HIVEP1: variants seen among roughly 807,000 people sequenced by gnomAD.
HIVEP1 encodes the protein zinc finger protein 40.
A neutral mutation model predicts 180.0 loss-of-function variants in HIVEP1; 36 were observed. The observed-to-expected ratio is 0.20, with a 90% CI of 0.15 to 0.26. The LOEUF is 0.26. Among genes scored for constraint, HIVEP1 ranks in the 10% least tolerant of loss-of-function variants. The pLI is 1.00. For missense variants in HIVEP1, 3,143 were observed against 3,268.7 expected, an observed-to-expected ratio of 0.96 and a Z score of 0.94; for synonymous variants, 1,239 against 1,239.0, an observed-to-expected ratio of 1.00 and a Z score of 0.00.
rs367639862 is a variant in HIVEP1 at position 12,120,516 on chromosome 6, A to T, written c.721A>T (p.Met241Leu). ...CCCTCCCAAATTAAAAAACAGTTCA[A>T]TGGATGCCCCAAATCAGACTTCACA... ...RSPPKLKNSS[M>L]DAPNQTSQEL... Residue 241 changes from methionine (M) to leucine (L), a missense_variant, in exon 4 of 9, where the codon ATG becomes TTG. Coordinates refer to ENST00000379388, the MANE Select transcript of HIVEP1 (RefSeq NM_002114.4). The T allele has an allele frequency of 1.2e-6, 2 of 1,614,084 alleles. No individual in the cohort carries two copies. Among genetic ancestry groups the T allele is most frequent in the Non-Finnish European group, 1.7e-6 (2 of 1,180,034 alleles).
chr6:12,093,436 A>C (rs1773607483), intron 3 of HIVEP1, among the ~76,000 whole-genome samples: 1 of 150,710 alleles, frequency 6.6e-6, no homozygotes, highest in South Asian at 2.1e-4. Context: ...ATTTGTCTTA[A>C]ATTCTTCTCT....
chr6:12,061,958 A>C (rs1771265172), intron 2 of HIVEP1, among the ~76,000 whole-genome samples: 1 of 152,204 alleles, frequency 6.6e-6, no homozygotes, highest in Admixed American at 6.5e-5. Context: ...AATGAGAGCC[A>C]AGTATTAATA....
chr6:12,041,339 G>A (rs1426287438), intron 2 of HIVEP1, among the ~76,000 whole-genome samples: 4 of 148,926 alleles, frequency 2.7e-5, no homozygotes, highest in African/African-American at 9.9e-5. Context: ...GGAGAATGGC[G>A]TGAACCCGGG....
At chr6:12,109,038 G>A (rs554092204) in intron 3 of HIVEP1, among the ~76,000 whole-genome samples, 35 of 152,166 alleles carry the variant, frequency 2.3e-4, no homozygotes, top group African/African-American at 8.2e-4. Flanking sequence ...GGAGTGCAGC[G>A]GCGCGATCTT....
Position 12,124,427 on chromosome 6 carries a change from T to C in HIVEP1, c.4632T>C (p.Ser1544=). Residue 1544 remains serine, a synonymous_variant, in exon 4 of 9, where the codon TCT becomes TCC. Coordinates refer to ENST00000379388, the MANE Select transcript of HIVEP1 (RefSeq NM_002114.4). ...AGGGTAGCAAGCCAGATAAAAATTC[T>C]GTTTTATCTGGGTCTTCTAAAAGTG... ...STQGSKPDKN[S]VLSGSSKSED... The C allele has an allele frequency of 6.2e-7, 1 of 1,613,926 alleles. No individual in the cohort carries two copies. The highest frequency in any genetic ancestry group is 8.5e-7 in the Non-Finnish European group (1 of 1,179,790).
rs1476969018 is a variant in HIVEP1, at chr6:12,123,325, T to C, written c.3530T>C (p.Ile1177Thr). 3 of 1,614,046 alleles carry C rather than the reference T, an allele frequency of 1.9e-6. No individual in the cohort carries two copies. The highest frequency in any genetic ancestry group is 1.3e-5 in the African/African-American group (1 of 74,998). ...RTGKSGSLKV[I>T]GISQEESHPS... ...GGGAAGTCCGGGTCTCTAAAAGTGA[T>C]AGGAATCTCCCAAGAGGAAAGTCAC... The change falls in exon 4 of 9, where the codon ATA becomes ACA. Residue 1177 changes from isoleucine (I) to threonine (T), a missense_variant. Around this residue, in one of 12 missense-constraint regions of HIVEP1, gnomAD observed 1,357 missense variants for 1,260.5 expected, o/e 1.08. Transcript: ENST00000379388.
At chr6:12,167,661 TATAC>T (rs1760752229), downstream of HIVEP1, among the ~76,000 whole-genome samples, 1 of 90,608 alleles carries the variant, frequency 1.1e-5, no homozygotes, top group Non-Finnish European at 2.3e-5. Context: ...ATATGTTATA[TATAC>T]ATATATACAT....
intron 2 of HIVEP1, among the ~76,000 whole-genome samples, chr6:12,062,863 G>T (rs1284124506): frequency 6.6e-6 from 1 of 152,136 alleles, no homozygotes; most frequent in Non-Finnish European, 1.5e-5. Flanking sequence ...TGGCATAGTG[G>T]GAAAAGCTTT....
intron 2 of HIVEP1, among the ~76,000 whole-genome samples, chr6:12,051,030 A>ATATATATATATG (rs1561890477): frequency 7.3e-6 from 1 of 136,840 alleles, no homozygotes; most frequent in East Asian, 2.0e-4. Context: ...ATATATATAT[A>ATATATATATATG]TGTATATTAA....
At chr6:12,155,020 C>T (rs1759941581) in intron 7 of HIVEP1, among the ~76,000 whole-genome samples, 1 of 151,854 alleles carries the variant, frequency 6.6e-6, no homozygotes, top group Non-Finnish European at 1.5e-5. Flanking sequence ...CCTCTCCTTG[C>T]TTTGAGTTTA....
rs189758383 is a variant in HIVEP1, at chr6:12,121,441, A to G, written c.1646A>G (p.Asp549Gly). Residue 549 changes from aspartate to glycine, a missense_variant, in exon 4 of 9, where the codon GAC (aspartate) becomes GGC (glycine). This residue lies in a region of HIVEP1 where 365 missense variants were observed against 344.4 expected (regional missense o/e 1.06). Transcript: ENST00000379388. This position sits in a 1 kb window ranked among gnomAD's most constrained non-coding sequence, Gnocchi z 5.3. ...ENVIGDFLLQDRSAESQAVTE... is the reference protein window; with the variant it reads ...ENVIGDFLLQGRSAESQAVTE... Reference sequence around the variant, plus strand: ...GTGATAGGTGACTTTTTGCTACAGGACAGATCTGCAGAATCACAAGCTGTG... The same window carrying G: ...GTGATAGGTGACTTTTTGCTACAGGGCAGATCTGCAGAATCACAAGCTGTG... 7 of 1,614,160 alleles carry G rather than the reference A, an allele frequency of 4.3e-6. No homozygotes were observed. In the East Asian group the frequency reaches 1.3e-4, roughly 31 times the overall value.
chr6:12,125,383 C>A lies in HIVEP1; in HGVS notation c.5588C>A (p.Ser1863Ter). The change falls in exon 4 of 9, where the codon TCA becomes TAA. Residue 1863 changes from serine to a stop codon, truncating the protein, a stop_gained. Transcript: ENST00000379388. LOFTEE classifies it high-confidence loss of function. ...TTGCAGGAATTTGAAAACATCAAGT[C>A]ATCCACATCATTAACTCTTACAGTT... ...SELQEFENIKSSTSLTLTVRS... is the reference protein window; with the variant it reads ...SELQEFENIK The A allele has an allele frequency of 1.2e-6, 2 of 1,613,932 alleles. No homozygotes were observed. The highest frequency in any genetic ancestry group is 1.1e-5 in the South Asian group (1 of 91,046).
chr6:12,201,151 T>G, the HIVEP1 span, among the ~76,000 whole-genome samples: 5 of 152,218 alleles, frequency 3.3e-5, no homozygotes, highest in Non-Finnish European at 7.3e-5. Flanking sequence ...ACACATGCTT[T>G]TCTTTCTCTA....
chr6:12,031,558 C>T (rs1354635653), intron 2 of HIVEP1, among the ~76,000 whole-genome samples: 1 of 152,184 alleles, frequency 6.6e-6, no homozygotes, highest in Non-Finnish European at 1.5e-5. Context: ...ATCTGGTGAA[C>T]CTGGCCTGGC....
At chr6:12,125,935 C>A (rs1758043763) in intron 4 of HIVEP1, 65 bp downstream of exon 4, 19 of 875,482 alleles carry the variant, frequency 2.2e-5, no homozygotes, top group Non-Finnish European at 3.2e-5. Flanking sequence ...TGTCTTGATA[C>A]CTTTAAATAT....
rs946360715 is a variant in HIVEP1 at position 12,012,631 on chromosome 6, G to T, written c.-104+65G>T. On this transcript the variant is annotated intron_variant, in intron 1 of 8. Transcript: ENST00000379388. Reference sequence around the variant, plus strand: ...GAGGGCGGCGGGGCGGAGGGGGGGGGGGGCAGGAGCACATCCCTTCGGCGG... The same window carrying T: ...GAGGGCGGCGGGGCGGAGGGGGGGGTGGGCAGGAGCACATCCCTTCGGCGG... The T allele has an allele frequency of 5.4e-5, 8 of 148,740 alleles. No individual in the cohort carries two copies. In the East Asian group the frequency reaches 6.0e-4, roughly 11 times the overall value. The allele number at this position is 148,740 out of a possible 1,614,324, so 9.2% of individuals were successfully genotyped here.
the HIVEP1 span, among the ~76,000 whole-genome samples, chr6:12,184,062 C>CAGA: frequency 3.6e-5 from 5 of 140,234 alleles, no homozygotes; most frequent in African/African-American, 1.0e-4. Flanking sequence ...GACAGACAGA[C>CAGA]TGATTTGGGG....
At chr6:12,171,655 T>C in the HIVEP1 span, among the ~76,000 whole-genome samples, 1 of 151,986 alleles carries the variant, frequency 6.6e-6, no homozygotes, top group Non-Finnish European at 1.5e-5. Flanking sequence ...AGTTCAGGGA[T>C]TGTGAAAGAA....
chr6:12,211,378 T>C, the HIVEP1 span, among the ~76,000 whole-genome samples: 13,296 of 85,200 alleles, frequency 0.16, 1,156 homozygotes, highest in East Asian at 0.23. Flanking sequence ...CCAGCCTGGG[T>C]GACAGAGCGA....
Sources: allele counts gnomAD v4.1 joint callset (sites outside exome capture counted in the v4.1 genomes callset), GRCh38; gene constraint gnomAD v4.1.1; regional missense constraint gnomAD v4.1.1; non-coding constraint Gnocchi (gnomAD v3.1); transcripts MANE v1.5; gene names NCBI Gene and HGNC (gene_info 2026-07-23, HGNC 2026-07-21).